The following RADIL variants were observed in gnomAD, a reference collection of about 807,000 sequenced individuals.
The protein encoded by RADIL is Rap associating with DIL domain, also known as ras-associating and dilute domain-containing protein.
Under a neutral mutation model 97.6 loss-of-function variants are expected in RADIL, and 99 were observed. That is an observed-to-expected ratio of 1.01 (90% confidence interval 0.86 to 1.20). The LOEUF (loss-of-function observed/expected upper bound fraction) is 1.20. RADIL is among the 50% of genes most tolerant of loss of function. The pLI is 0.00. For missense variants in RADIL, 1,765 were observed against 1,498.9 expected, an observed-to-expected ratio of 1.18 and a Z score of -2.93; for synonymous variants, 803 against 691.8, an observed-to-expected ratio of 1.16 and a Z score of -2.52.
At chr7:4,863,567 G>C (rs1049847800) in intron 2 of RADIL, among the ~76,000 whole-genome samples, 3 of 152,044 alleles carry the variant, frequency 2.0e-5, no homozygotes, top group South Asian at 4.2e-4. Context: ...TCTTATCCAG[G>C]GATTATCCAC....
intron 5 of RADIL, among the ~76,000 whole-genome samples, chr7:4,823,165 C>G (rs953720644): frequency 6.6e-6 from 1 of 152,066 alleles, no homozygotes; most frequent in Non-Finnish European, 1.5e-5. Flanking sequence ...CGTTAGAAAC[C>G]CAAACTGAGG....
In RADIL at chr7:4,867,218, T is replaced by A. The variant is rs931839732; in HGVS notation, c.535+10387A>T. ...GGGGCACACAGGCACACGAGGCTTC[T>A]GAGGAAGCTGCTGTCCAGCCATGCT... On this transcript the variant is annotated intron_variant, in intron 2 of 14. Coordinates refer to ENST00000399583, the MANE Select transcript of RADIL (RefSeq NM_018059.5). This position sits in a 1 kb window ranked among gnomAD's most constrained non-coding sequence, Gnocchi z 4.1. Among the ~76,000 whole-genome samples the A allele has an allele frequency of 2.0e-5, 3 of 152,174 alleles. No homozygotes were observed. The highest frequency in any genetic ancestry group is 7.2e-5 in the African/African-American group (3 of 41,442).
chr7:4,839,749 C>T (rs7797805), intron 2 of RADIL, among the ~76,000 whole-genome samples: 70,669 of 151,782 alleles, frequency 0.47, 17,086 homozygotes, highest in African/African-American at 0.6. Flanking sequence ...AAAAGCTTTC[C>T]TGTTGGTTTG....
At position 4,817,495 on chromosome 7, in the gene RADIL, G is replaced by A; in HGVS notation, c.1616-144C>T. On this transcript the variant is annotated intron_variant, in intron 6 of 14. Coordinates refer to ENST00000399583, the MANE Select transcript of RADIL (RefSeq NM_018059.5). The surrounding 1 kb of genome is among the most constrained non-coding windows in gnomAD (Gnocchi z 8.3). ...TCCAGATGCGATAAACTGGCCGAGG[G>A]ACTCTGGGCCCTGGCTGGGACGAGC... The A allele has an allele frequency of 3.0e-6, 2 of 662,134 alleles. No homozygotes were observed. The highest frequency in any genetic ancestry group is 5.1e-6 in the Non-Finnish European group (2 of 395,284). The allele number at this position is 662,134 out of a possible 1,614,324, so 41.0% of individuals were successfully genotyped here.
rs777358624 is a variant in RADIL, at chr7:4,803,746, G to C, written c.2299C>G (p.Leu767Val). 1 of 1,561,922 alleles carries C rather than the reference G, an allele frequency of 6.4e-7. No homozygotes were observed. The highest frequency in any genetic ancestry group is 8.7e-7 in the Non-Finnish European group (1 of 1,153,560). The change falls in exon 11 of 15, where the codon CTG becomes GTG. Residue 767 changes from leucine (L) to valine (V), a missense_variant. Leu to Val is a conservative substitution (Grantham distance 32, BLOSUM62 1). Transcript: ENST00000399583. The part of the protein sequence containing the change: ...SPEAFRSEDV[L>V]ESYENPPPIV... Reference sequence around the variant, plus strand: ...GGTGGGGGGTTTTCGTAGGACTCCAGAACATCCTCTGCAGGGGAGAGAGGA... The same window carrying C: ...GGTGGGGGGTTTTCGTAGGACTCCACAACATCCTCTGCAGGGGAGAGAGGA...
rs374880901 is a variant in RADIL at position 4,815,413 on chromosome 7, G to C, written c.2004C>G (p.Val668=). The change falls in exon 9 of 15, where the codon GTC becomes GTG. Residue 668 remains valine, a synonymous_variant. Transcript: ENST00000399583. This position sits in a 1 kb window ranked among gnomAD's most constrained non-coding sequence, Gnocchi z 8.0. The part of the protein sequence containing the change: ...SLSCFHWPRG[V]QACARLQQLL... ...GCTGCTGCAGGCGGGCGCAGGCCTG[G>C]ACACCTCTGGGCCAGTGGAAGCAGC... 6.4e-7 allele frequency: 1 copy of C among 1,560,496 alleles called. No homozygotes were observed. Among genetic ancestry groups the C allele is most frequent in the East Asian group, 2.3e-5 (1 of 43,324 alleles).
intron 5 of RADIL, among the ~76,000 whole-genome samples, chr7:4,827,383 G>C (rs1039168828): frequency 6.9e-6 from 1 of 144,192 alleles, no homozygotes; most frequent in African/African-American, 2.6e-5. Context: ...AAAAGGGCCG[G>C]GTGCGGTGGC....
intron 9 of RADIL, 61 bp from the exon 10 acceptor site, chr7:4,805,777 G>C: frequency 6.4e-7 from 1 of 1,552,992 alleles, no homozygotes; most frequent in South Asian, 1.2e-5. Context: ...AGCCCAAAGA[G>C]GGATGGCCTC....
intron 6 of RADIL, among the ~76,000 whole-genome samples, chr7:4,820,318 GC>G (rs1782796356): frequency 6.6e-6 from 1 of 152,240 alleles, no homozygotes. Context: ...GAGCCCAGGA[GC>G]CCCAGGGGAG....
Position 4,817,647 on chromosome 7 carries a change from G to C in RADIL, c.1616-296C>G, listed in dbSNP as rs1782712974. ...AGCGCTCATTCACTCCCACGTTCTGGATACGTTTTCTGTTACAACCAACTG... is the reference window on the plus strand; with the variant it reads ...AGCGCTCATTCACTCCCACGTTCTGCATACGTTTTCTGTTACAACCAACTG... On this transcript the variant is annotated intron_variant, in intron 6 of 14. Coordinates refer to ENST00000399583, the MANE Select transcript of RADIL (RefSeq NM_018059.5). This position sits in a 1 kb window ranked among gnomAD's most constrained non-coding sequence, Gnocchi z 8.3. 6.6e-6 allele frequency among the ~76,000 whole-genome samples: 1 copy of C among 152,148 alleles called. No homozygotes were observed. Among genetic ancestry groups the C allele is most frequent in the Non-Finnish European group, 1.5e-5 (1 of 68,020 alleles).
intron 5 of RADIL, among the ~76,000 whole-genome samples, chr7:4,831,678 G>A (rs559864065): frequency 2.7e-5 from 4 of 148,632 alleles, no homozygotes; most frequent in Non-Finnish European, 5.9e-5. Context: ...TCAGTAGTTC[G>A]AGACCAGCCT....
rs530348135 is a variant in RADIL, at chr7:4,822,007, C to A, written c.1615+387G>T. On this transcript the variant is annotated intron_variant, in intron 6 of 14. Transcript: ENST00000399583. The surrounding 1 kb of genome is among the most constrained non-coding windows in gnomAD (Gnocchi z 5.3). ...ACGGGCGGCGGTCTCATGGCCGACG[C>A]TCTCTCTACCGCCCCTTACATTTGG... is the stretch of plus-strand genomic sequence containing the variant. Among the ~76,000 whole-genome samples, 1 of 152,170 alleles carries A rather than the reference C, an allele frequency of 6.6e-6. No individual in the cohort carries two copies. The highest frequency in any genetic ancestry group is 2.4e-5 in the African/African-American group (1 of 41,440).
chr7:4,823,285 G>A (rs888327838), intron 5 of RADIL, among the ~76,000 whole-genome samples: 5 of 150,876 alleles, frequency 3.3e-5, no homozygotes, highest in South Asian at 2.1e-4. Flanking sequence ...GCAAAACGCC[G>A]TCTCTACTAA....
chr7:4,836,550 G>A lies in RADIL; in HGVS notation c.591C>T (p.Thr197=), dbSNP rs889133087. 1.9e-6 allele frequency: 3 copies of A among 1,607,788 alleles called. No homozygotes were observed. Among genetic ancestry groups the A allele is most frequent in the African/African-American group, 1.3e-5 (1 of 74,860 alleles). The change falls in exon 3 of 15, where the codon ACC becomes ACT. Residue 197 remains threonine, a synonymous_variant. Transcript: ENST00000399583. ...LQRSRAKGTP[T]PALGDARSSP... is the part of the protein sequence containing the mutation. The stretch of plus-strand genomic sequence containing the variant: ...AGCTCCGGGCATCCCCCAGGGCCGG[G>A]GTCGGGGTTCCCTTCGCGCGACTCC...
Position 4,878,063 on chromosome 7 carries a change from C to G in RADIL, c.77G>C (p.Ser26Thr). The G allele has an allele frequency of 3.7e-6, 6 of 1,601,352 alleles. No individual in the cohort carries two copies. The South Asian group carries it at 4.5e-5, about 12-fold the overall frequency. ...KLKRQSQLLS[S>T]MLSRTLSYKY... ...GTAGCTCAGCGTCCGGGACAGCATG[C>G]TGGACAACAGCTGGCTCTGCCGCTT... The change falls in exon 2 of 15, where the codon AGC becomes ACC. Residue 26 changes from serine to threonine, a missense_variant. Ser to Thr is a moderately conservative substitution (Grantham distance 58). Coordinates refer to ENST00000399583, the MANE Select transcript of RADIL (RefSeq NM_018059.5). This position sits in a 1 kb window ranked among gnomAD's most constrained non-coding sequence, Gnocchi z 4.1.
intron 10 of RADIL, chr7:4,803,956 C>G: frequency 1.5e-6 from 1 of 670,158 alleles, no homozygotes; most frequent in Non-Finnish European, 2.7e-6. Context: ...CCGCCGACCA[C>G]CCGGTGTGAC....
chr7:4,861,841 C>CCCCACCACCGCGACCTTCACGTCG, intron 2 of RADIL: 1 of 1,397,804 alleles, frequency 7.2e-7, no homozygotes, highest in Non-Finnish European at 9.3e-7. Context: ...AGGGCACGTC[C>CCCCACCACCGCGACCTTCACGTCG]CCCACCACCG....
In RADIL at chr7:4,835,337, G is replaced by A. The variant is rs1421329777; in HGVS notation, c.784-98C>T. 4.1e-6 allele frequency: 6 copies of A among 1,468,376 alleles called. No individual in the cohort carries two copies. The highest frequency in any genetic ancestry group is 2.8e-5 in the African/African-American group (2 of 71,854). The allele number at this position is 1,468,376 out of a possible 1,614,324, so 91.0% of individuals were successfully genotyped here. ...CTGGTTGCTGAAGCAGCGTGGCTGG[G>A]ATGCTGTCGCCACGGGCTCTCCATG... On this transcript the variant is annotated intron_variant, in intron 3 of 14. Coordinates refer to ENST00000399583, the MANE Select transcript of RADIL (RefSeq NM_018059.5). The surrounding 1 kb of genome is among the most constrained non-coding windows in gnomAD (Gnocchi z 5.8).
intron 2 of RADIL, among the ~76,000 whole-genome samples, chr7:4,839,601 T>C (rs1335404095): frequency 6.6e-6 from 1 of 152,214 alleles, no homozygotes; most frequent in Non-Finnish European, 1.5e-5. Context: ...ATGATAAATA[T>C]ATTATCATAA....
Sources: allele counts gnomAD v4.1 joint callset (sites outside exome capture counted in the v4.1 genomes callset), GRCh38; gene constraint gnomAD v4.1.1; non-coding constraint Gnocchi (gnomAD v3.1); transcripts MANE v1.5; gene names NCBI Gene and HGNC (gene_info 2026-07-23, HGNC 2026-07-21).